Variants in ECM2 observed in about 807,000 individuals in gnomAD.
ECM2 encodes the protein extracellular matrix protein 2, female organ and adipocyte specific.
ECM2 carries 57 observed loss-of-function variants against 67.5 expected under a neutral mutation model. The ratio of observed to expected loss-of-function variants is 0.84; its 90% confidence interval spans 0.68 to 1.05. ECM2 has a LOEUF of 1.05. Ranked by LOEUF, ECM2 falls within the 50% of genes least tolerant of loss-of-function variation. The pLI is 0.00. For missense variants in ECM2, 741 were observed against 822.8 expected (o/e 0.90, Z 1.22); for synonymous variants, 258 against 294.5 (o/e 0.88, Z 1.27).
intron 3 of ECM2, among the ~76,000 whole-genome samples, chr9:92,515,836 A>AC (rs1328285809): frequency 6.6e-6 from 1 of 152,166 alleles, no homozygotes; most frequent in Non-Finnish European, 1.5e-5. Context: ...AGACTTACAA[A>AC]TGACATTCTG....
chr9:92,556,135 C>G, the ECM2 span, among the ~76,000 whole-genome samples: 1 of 152,154 alleles, frequency 6.6e-6, no homozygotes, highest in African/African-American at 2.4e-5. Context: ...ATCTTGATTT[C>G]ATTTTTGACC....
At chr9:92,518,139 T>C (rs1254098620) in intron 2 of ECM2, among the ~76,000 whole-genome samples, 1 of 152,182 alleles carries the variant, frequency 6.6e-6, no homozygotes, top group East Asian at 1.9e-4. Flanking sequence ...CCATTTTGTA[T>C]CCATCAGGAT....
chr9:92,520,320 A>G (rs1007032931), intron 2 of ECM2, among the ~76,000 whole-genome samples: 1 of 152,116 alleles, frequency 6.6e-6, no homozygotes. Context: ...GGTTGAATAG[A>G]TATTTCTCCA....
chr9:92,502,568 G>C lies in ECM2; in HGVS notation c.1549C>G (p.Arg517Gly). 6.2e-7 allele frequency: 1 copy of C among 1,612,252 alleles called. No individual in the cohort carries two copies. Among genetic ancestry groups the C allele is most frequent in the Non-Finnish European group, 8.5e-7 (1 of 1,178,946 alleles). ...CTATTTTCTTCAATTTTGTTATAAC[G>C]TAGTACAATGACATTGATCTTTCTG... Reference protein sequence around the residue: ...HTRKINVIVLRYNKIEENRIA... With the variant: ...HTRKINVIVLGYNKIEENRIA... Residue 517 changes from arginine to glycine, a missense_variant, in exon 8 of 10, where the codon CGT (arginine) becomes GGT (glycine). Arg to Gly is a moderately radical substitution (Grantham distance 125, BLOSUM62 -2). Coordinates refer to ENST00000344604, the MANE Select transcript of ECM2 (RefSeq NM_001393.4).
the ECM2 span, among the ~76,000 whole-genome samples, chr9:92,543,090 C>G: frequency 6.6e-6 from 1 of 152,100 alleles, no homozygotes; most frequent in African/African-American, 2.4e-5. Context: ...AGTTTTTATG[C>G]CAGTACTATG....
In ECM2 at chr9:92,495,317, A is replaced by G; in HGVS notation, c.*998T>C. 7 of 866,484 alleles carry G rather than the reference A, an allele frequency of 8.1e-6. No homozygotes were observed. Among genetic ancestry groups the G allele is most frequent in the Non-Finnish European group, 8.3e-6 (6 of 721,662 alleles). The allele number at this position is 866,484 out of a possible 1,614,324, so 53.7% of individuals were successfully genotyped here. ...TAGCAATACAAAGATAAAAATCATTATGTTAGAAAATTTTAATATATGATT... is the reference window on the plus strand; with the variant it reads ...TAGCAATACAAAGATAAAAATCATTGTGTTAGAAAATTTTAATATATGATT... On this transcript the variant is annotated 3_prime_UTR_variant, in exon 10 of 10. Transcript: ENST00000344604.
intron 5 of ECM2, among the ~76,000 whole-genome samples, chr9:92,510,775 G>A (rs1175625738): frequency 1.3e-5 from 2 of 152,190 alleles, no homozygotes; most frequent in Non-Finnish European, 1.5e-5. Flanking sequence ...AGAAAAGGAG[G>A]TAATCTCTTA....
chr9:92,545,771 T>C, the ECM2 span, among the ~76,000 whole-genome samples: 3 of 152,354 alleles, frequency 2.0e-5, no homozygotes, highest in South Asian at 4.1e-4. Flanking sequence ...TAAGGGATTG[T>C]AGATATACCA....
chr9:92,494,909 A>AAAT (rs1014394868), downstream of ECM2, among the ~76,000 whole-genome samples: 2 of 152,132 alleles, frequency 1.3e-5, no homozygotes, highest in South Asian at 4.2e-4. Flanking sequence ...CCGTCTAAAA[A>AAAT]AATAATAATA....
the ECM2 span, among the ~76,000 whole-genome samples, chr9:92,558,123 C>G: frequency 6.6e-6 from 1 of 152,130 alleles, no homozygotes; most frequent in Non-Finnish European, 1.5e-5. Flanking sequence ...AACTAAGCTC[C>G]TGAATTCTTT....
rs1846949029 is a variant in ECM2 at position 92,505,538 on chromosome 9, T to C, written c.1459A>G (p.Ile487Val). The C allele has an allele frequency of 6.3e-7, 1 of 1,594,570 alleles. No homozygotes were observed. Among genetic ancestry groups the C allele is most frequent in the Admixed American group, 1.9e-5 (1 of 53,680 alleles). ...CTAAAAAAATATATTGTTACCTCAA[T>C]AGAACCAGGAAGACCCTGCGGTATA... ...RIIPQGLPGS[I>V]EELYLENNQI... Residue 487 changes from isoleucine to valine, a missense_variant, in exon 7 of 10, where the codon ATT becomes GTT. Transcript: ENST00000344604.
chr9:92,537,328 C>T (rs1563993986), upstream of ECM2, among the ~76,000 whole-genome samples: 1 of 152,116 alleles, frequency 6.6e-6, no homozygotes, highest in Non-Finnish European at 1.5e-5. Flanking sequence ...ATAAGCCACT[C>T]AACTTCCTAA....
chr9:92,552,089 G>GTT, the ECM2 span, among the ~76,000 whole-genome samples: 2 of 136,486 alleles, frequency 1.5e-5, no homozygotes, highest in East Asian at 2.1e-4. Context: ...TCATATATGT[G>GTT]ATATGATAGA....
the ECM2 span, among the ~76,000 whole-genome samples, chr9:92,552,411 A>T: frequency 6.6e-6 from 1 of 152,246 alleles, no homozygotes; most frequent in Non-Finnish European, 1.5e-5. Flanking sequence ...TTCTTTAAGG[A>T]ATCTCTACAC....
At chr9:92,546,202 G>T in the ECM2 span, among the ~76,000 whole-genome samples, 1 of 152,144 alleles carries the variant, frequency 6.6e-6, no homozygotes, top group African/African-American at 2.4e-5. Context: ...CTGTCAAAAC[G>T]GACCAATCAG....
intron 1 of ECM2, among the ~76,000 whole-genome samples, chr9:92,527,255 C>G (rs2131264827): frequency 6.6e-6 from 1 of 152,278 alleles, no homozygotes; most frequent in Non-Finnish European, 1.5e-5. Flanking sequence ...AAGTGATTCA[C>G]CCACCTCAGC....
At chr9:92,527,847 T>G (rs1026339196) in intron 1 of ECM2, 4 of 154,124 alleles carry the variant, frequency 2.6e-5, no homozygotes, top group Admixed American at 1.3e-4. Flanking sequence ...TTTTTTACAT[T>G]CTGCATACAG....
chr9:92,530,476 G>A (rs1359325507), intron 1 of ECM2, among the ~76,000 whole-genome samples: 7 of 152,028 alleles, frequency 4.6e-5, no homozygotes. Flanking sequence ...TTTTTAATTA[G>A]TAGACAGAAT....
intron 3 of ECM2, chr9:92,516,894 T>C (rs1847761256): frequency 6.6e-6 from 1 of 152,232 alleles, no homozygotes; most frequent in Admixed American, 6.5e-5. Context: ...TGATCATCTG[T>C]GTGCATGGGA....
Sources: allele counts gnomAD v4.1 joint callset (sites outside exome capture counted in the v4.1 genomes callset), GRCh38; gene constraint gnomAD v4.1.1; transcripts MANE v1.5; gene names NCBI Gene and HGNC (gene_info 2026-07-23, HGNC 2026-07-21).